The following ZFHX3 variants were observed in gnomAD, a reference collection of about 807,000 sequenced individuals.
The protein encoded by ZFHX3 is zinc finger homeobox 3.
In ZFHX3, 42 loss-of-function variants were observed where a neutral mutation model predicts 279.1. The observed-to-expected ratio is 0.15, with a 90% confidence interval of 0.12 to 0.19. The LOEUF is 0.19. Ranked by LOEUF, ZFHX3 falls within the 10% of genes least tolerant of loss-of-function variation. The pLI is 1.00. For missense variants in ZFHX3, 4,981 were observed against 4,754.0 expected (o/e 1.05, Z -1.40); for synonymous variants, 2,293 against 1,957.8 (o/e 1.17, Z -4.52).
chr16:72,978,671 C>T (rs563259614), intron 1 of ZFHX3, among the ~76,000 whole-genome samples: 1 of 152,300 alleles, frequency 6.6e-6, no homozygotes, highest in East Asian at 1.9e-4. Context: ...CAAGGCACCT[C>T]GGTGCTTCTC....
chr16:73,406,544 G>T (rs2017364489), intron 3 of ZFHX3, among the ~76,000 whole-genome samples: 1 of 152,168 alleles, frequency 6.6e-6, no homozygotes, highest in Non-Finnish European at 1.5e-5. Flanking sequence ...AGCTGCTCCA[G>T]GCTCAACAAT....
In ZFHX3 at chr16:73,207,919, C is replaced by T. The variant is rs544106012; in HGVS notation, c.-1104+49128G>A. ...GCAACAGAAGAGCCAAATGTATGTC[C>T]GTGCCCTTTGTCTCAGCTTTTCTAC... is the stretch of plus-strand genomic sequence containing the variant. On this transcript the variant is annotated intron_variant, in intron 5 of 17. Transcript: ENST00000641206. Among the ~76,000 whole-genome samples, 50 of 152,244 alleles carry T rather than the reference C, an allele frequency of 3.3e-4. 1 individual carries two copies. The South Asian group carries it at 1.0e-2, about 30-fold the overall frequency.
chr16:73,311,104 G>A (rs1031131141), intron 4 of ZFHX3, among the ~76,000 whole-genome samples: 2 of 151,182 alleles, frequency 1.3e-5, no homozygotes, highest in Admixed American at 6.6e-5. Context: ...ATGGTGGCAG[G>A]CGCCTGTAAT....
intron 1 of ZFHX3, among the ~76,000 whole-genome samples, chr16:73,876,853 A>T (rs979511465): frequency 2.6e-5 from 4 of 152,044 alleles, no homozygotes; most frequent in African/African-American, 7.2e-5. Flanking sequence ...CACCACCTTC[A>T]CACACAGACA....
chr16:73,383,317 T>C (rs1465908862), intron 3 of ZFHX3, among the ~76,000 whole-genome samples: 1 of 152,008 alleles, frequency 6.6e-6, no homozygotes, highest in Non-Finnish European at 1.5e-5. Flanking sequence ...CAAAGAAATG[T>C]CCCTCCCTCC....
chr16:73,728,015 G>GCCCCCCCCCCTCCCC (rs3049673), intron 1 of ZFHX3, among the ~76,000 whole-genome samples: 1 of 75,426 alleles, frequency 1.3e-5, no homozygotes, highest in Non-Finnish European at 2.6e-5. Context: ...GCCGAATTGT[G>GCCCCCCCCCCTCCCC]CCCCCCCCCC....
intron 1 of ZFHX3, among the ~76,000 whole-genome samples, chr16:72,961,328 G>C (rs1388150371): frequency 6.6e-6 from 1 of 152,218 alleles, no homozygotes; most frequent in Non-Finnish European, 1.5e-5. Context: ...CCACTGAGCT[G>C]AATGTGCCCT....
At chr16:72,792,745 C>T (rs1016738740) in intron 9 of ZFHX3, among the ~76,000 whole-genome samples, 2 of 152,164 alleles carry the variant, frequency 1.3e-5, no homozygotes, top group Admixed American at 1.3e-4. Context: ...CCACTGCACC[C>T]GGCCCTGATA....
At chr16:72,972,393 T>A (rs1240333116) in intron 1 of ZFHX3, among the ~76,000 whole-genome samples, 1 of 152,132 alleles carries the variant, frequency 6.6e-6, no homozygotes, top group Non-Finnish European at 1.5e-5. Flanking sequence ...CTCAACTCCA[T>A]CCAAAGAGTG....
intron 3 of ZFHX3, among the ~76,000 whole-genome samples, chr16:73,419,636 G>C (rs1237759928): frequency 6.6e-6 from 1 of 151,894 alleles, no homozygotes; most frequent in East Asian, 1.9e-4. Flanking sequence ...TTGAGATGGG[G>C]TCTCGCTATG....
At chr16:73,085,949 A>T in intron 8 of ZFHX3, among the ~76,000 whole-genome samples, 1 of 151,110 alleles carries the variant, frequency 6.6e-6, no homozygotes, top group East Asian at 1.9e-4. Context: ...AGAGATCAGT[A>T]ACCAGAATAT....
intron 1 of ZFHX3, among the ~76,000 whole-genome samples, chr16:73,689,826 G>C (rs2009918): frequency 6.7e-6 from 1 of 149,364 alleles, no homozygotes; most frequent in Non-Finnish European, 1.5e-5. Context: ...TGTTTTTTTT[G>C]TTGTTGTTGT....
At chr16:73,051,482 A>G (rs1965448822), upstream of ZFHX3, among the ~76,000 whole-genome samples, 1 of 152,190 alleles carries the variant, frequency 6.6e-6, no homozygotes, top group Admixed American at 6.5e-5. Context: ...AGGCCTGCAC[A>G]CAGATGTTTT....
intron 1 of ZFHX3, among the ~76,000 whole-genome samples, chr16:72,975,098 T>A (rs73592775): frequency 0.019 from 2,870 of 152,250 alleles, 44 homozygotes; most frequent in Middle Eastern, 0.044. Context: ...GGGCATGGAT[T>A]CTGCTGGCAC....
At chr16:73,474,182 C>T (rs2018724345) in intron 2 of ZFHX3, among the ~76,000 whole-genome samples, 1 of 152,110 alleles carries the variant, frequency 6.6e-6, no homozygotes, top group African/African-American at 2.4e-5. Context: ...CTCTCTCACT[C>T]TGTCACCCAG....
At chr16:73,237,551 T>G (rs2012991218) in intron 5 of ZFHX3, among the ~76,000 whole-genome samples, 1 of 141,080 alleles carries the variant, frequency 7.1e-6, no homozygotes, top group South Asian at 2.4e-4. Context: ...TTTTTTTTTT[T>G]GGAGAGAACA....
chr16:73,351,098 A>T (rs2016233183), intron 3 of ZFHX3, among the ~76,000 whole-genome samples: 1 of 152,218 alleles, frequency 6.6e-6, no homozygotes, highest in Non-Finnish European at 1.5e-5. Context: ...GTTAAACAGT[A>T]ATCACCAGGT....
chr16:72,902,348 A>G (rs1013054347), intron 3 of ZFHX3, among the ~76,000 whole-genome samples: 7 of 152,204 alleles, frequency 4.6e-5, no homozygotes, highest in Non-Finnish European at 1.0e-4. Flanking sequence ...CAGGCTCCCA[A>G]TCAATAGCCC....
intron 4 of ZFHX3, among the ~76,000 whole-genome samples, chr16:72,879,420 G>A (rs2038403287): frequency 6.6e-6 from 1 of 152,132 alleles, no homozygotes; most frequent in African/African-American, 2.4e-5. Context: ...GCAAGGAGGG[G>A]TTTCTATTTC....
Sources: gnomAD v4.1 joint callset for allele counts (sites outside exome capture counted in the v4.1 genomes callset) on GRCh38, gnomAD v4.1.1 for gene constraint, MANE v1.5 for transcripts, NCBI Gene and HGNC (gene_info 2026-07-23, HGNC 2026-07-21) for gene names.